Variants in RANBP2 observed in about 807,000 individuals in gnomAD.
The protein encoded by RANBP2 is RAN binding protein 2, also known as E3 SUMO-protein ligase RanBP2.
In RANBP2, 57 loss-of-function variants were observed where a neutral mutation model predicts 303.6. The ratio of observed to expected loss-of-function variants is 0.19; its 90% CI spans 0.15 to 0.23. The LOEUF (loss-of-function observed/expected upper bound fraction) is 0.23. Ranked by LOEUF, RANBP2 falls within the 10% of genes least tolerant of loss-of-function variation. RANBP2 has a pLI of 1.00. For missense variants in RANBP2, 3,138 were observed against 3,780.8 expected (o/e 0.83, Z 4.46); for synonymous variants, 1,167 against 1,301.5 (o/e 0.90, Z 2.23).
chr2:109,323,458 G>C, the RANBP2 span, among the ~76,000 whole-genome samples: 1 of 152,220 alleles, frequency 6.6e-6, no homozygotes, highest in Non-Finnish European at 1.5e-5. Context: ...GTGAGATTTA[G>C]AAAAACAACC....
Position 108,764,105 on chromosome 2 carries a change from A to G in RANBP2, c.3566A>G (p.Glu1189Gly). 1 of 1,614,104 alleles carries G rather than the reference A, an allele frequency of 6.2e-7. No individual in the cohort carries two copies. Among genetic ancestry groups the G allele is most frequent in the Non-Finnish European group, 8.5e-7 (1 of 1,179,990 alleles). Residue 1189 changes from glutamate (E) to glycine (G), a missense_variant, in exon 20 of 29, where the codon GAA (glutamate) becomes GGA (glycine). This residue lies in a region of RANBP2 where 403 missense variants were observed against 376.7 expected (regional missense o/e 1.07). Coordinates refer to ENST00000283195, the MANE Select transcript of RANBP2 (RefSeq NM_006267.5). ...AAGATTGAAGTAAAAACTGGTGAGGAAGATGAAGAAGAATTCTTTTGCAAC... is the reference window on the plus strand; with the variant it reads ...AAGATTGAAGTAAAAACTGGTGAGGGAGATGAAGAAGAATTCTTTTGCAAC... ...PDKIEVKTGE[E>G]DEEEFFCNRA...
At chr2:109,579,081 T>C in the RANBP2 span, among the ~76,000 whole-genome samples, 6 of 152,148 alleles carry the variant, frequency 3.9e-5, 1 homozygote, top group African/African-American at 1.4e-4. Flanking sequence ...ACAACTATTA[T>C]CAGGAAAGAC....
At chr2:109,546,032 G>A in the RANBP2 span, 5 of 1,548,872 alleles carry the variant, frequency 3.2e-6, no homozygotes, top group African/African-American at 4.2e-5. Context: ...TGCCAGGGAG[G>A]GTGGCTGGGC....
At chr2:109,446,150 A>T in the RANBP2 span, among the ~76,000 whole-genome samples, 1 of 152,200 alleles carries the variant, frequency 6.6e-6, no homozygotes, top group Non-Finnish European at 1.5e-5. Flanking sequence ...AAATCCTACC[A>T]GAGATGAGCA....
chr2:108,748,678 A>C (rs535344235), intron 8 of RANBP2, among the ~76,000 whole-genome samples: 2 of 152,146 alleles, frequency 1.3e-5, no homozygotes, highest in Non-Finnish European at 2.9e-5. Flanking sequence ...GGCATTTTTC[A>C]TACACATTCC....
the RANBP2 span, among the ~76,000 whole-genome samples, chr2:109,138,130 C>T: frequency 1.8e-4 from 27 of 152,218 alleles, 1 homozygote; most frequent in Non-Finnish European, 4.4e-5. Context: ...ATTCTTCTGC[C>T]TCAGCCTCCC....
At chr2:109,442,762 A>G in the RANBP2 span, among the ~76,000 whole-genome samples, 1 of 152,232 alleles carries the variant, frequency 6.6e-6, no homozygotes, top group Non-Finnish European at 1.5e-5. Flanking sequence ...TCATGAAAAC[A>G]TCCAAAAGAA....
chr2:109,193,312 G>A, the RANBP2 span, among the ~76,000 whole-genome samples: 4 of 152,090 alleles, frequency 2.6e-5, no homozygotes, highest in Admixed American at 6.5e-5. Flanking sequence ...TTCACATACC[G>A]TGAATTCATC....
chr2:109,521,897 T>C, the RANBP2 span, among the ~76,000 whole-genome samples: 1 of 152,116 alleles, frequency 6.6e-6, no homozygotes, highest in Non-Finnish European at 1.5e-5. Flanking sequence ...TCTTTGAAGA[T>C]GTATTTTCTG....
At chr2:109,528,580 G>A in the RANBP2 span, among the ~76,000 whole-genome samples, 1 of 149,774 alleles carries the variant, frequency 6.7e-6, no homozygotes, top group African/African-American at 2.6e-5. Flanking sequence ...GAGGAGGTGG[G>A]AGAAGGGAAG....
At chr2:109,303,530 G>C in the RANBP2 span, among the ~76,000 whole-genome samples, 1 of 152,182 alleles carries the variant, frequency 6.6e-6, no homozygotes, top group Non-Finnish European at 1.5e-5. Context: ...ACCCTGCAAT[G>C]GTCTGTTTCC....
At chr2:109,060,651 C>T in the RANBP2 span, among the ~76,000 whole-genome samples, 1 of 152,206 alleles carries the variant, frequency 6.6e-6, no homozygotes, top group Non-Finnish European at 1.5e-5. Flanking sequence ...GTCAAGATGG[C>T]TCTCCCGAGG....
At chr2:109,428,228 C>G in the RANBP2 span, among the ~76,000 whole-genome samples, 1 of 152,192 alleles carries the variant, frequency 6.6e-6, no homozygotes, top group Non-Finnish European at 1.5e-5. Context: ...TTTTAGAAGA[C>G]GTATGAGCAA....
the RANBP2 span, among the ~76,000 whole-genome samples, chr2:109,307,674 T>G: frequency 6.9e-6 from 1 of 145,984 alleles, no homozygotes; most frequent in Admixed American, 6.8e-5. Flanking sequence ...ATATGTGGTG[T>G]TTGGTTTTTT....
chr2:109,612,984 C>T, the RANBP2 span: 1 of 445,574 alleles, frequency 2.2e-6, no homozygotes, highest in Middle Eastern at 3.4e-4. Flanking sequence ...TGGTCTCCAG[C>T]CTCCAAAGAG....
the RANBP2 span, among the ~76,000 whole-genome samples, chr2:109,383,059 G>A: frequency 3.9e-5 from 6 of 152,296 alleles, no homozygotes; most frequent in South Asian, 6.2e-4. Context: ...GGAGGAAACC[G>A]GTGTCAGATT....
the RANBP2 span, among the ~76,000 whole-genome samples, chr2:108,987,725 C>T: frequency 3.3e-5 from 5 of 152,224 alleles, no homozygotes; most frequent in Non-Finnish European, 7.3e-5. Context: ...CCCGGCCAAT[C>T]GCCACCAGGA....
chr2:108,846,469 A>G, the RANBP2 span, among the ~76,000 whole-genome samples: 2 of 151,838 alleles, frequency 1.3e-5, no homozygotes, highest in Non-Finnish European at 2.9e-5. Flanking sequence ...ACTTGAGCCC[A>G]AGAGTTCGAG....
At chr2:109,293,102 G>A in the RANBP2 span, among the ~76,000 whole-genome samples, 6 of 152,302 alleles carry the variant, frequency 3.9e-5, no homozygotes, top group East Asian at 1.9e-4. Flanking sequence ...GGACTGTCTC[G>A]CCATGACACT....
Sources: gnomAD v4.1 joint callset for allele counts (sites outside exome capture counted in the v4.1 genomes callset) on GRCh38, gnomAD v4.1.1 for gene constraint, gnomAD v4.1.1 regional missense constraint, MANE v1.5 for transcripts, NCBI Gene and HGNC (gene_info 2026-07-23, HGNC 2026-07-21) for gene names.